UBE2D1: variants seen among roughly 807,000 people sequenced by gnomAD.
The protein encoded by UBE2D1 is ubiquitin-conjugating enzyme E2 D1.
A neutral mutation model predicts 24.6 loss-of-function variants in UBE2D1; 9 were observed. That is an observed-to-expected ratio of 0.37 (90% CI 0.22 to 0.64). UBE2D1 has a LOEUF of 0.64. Among genes scored for constraint, UBE2D1 ranks in the 30% least tolerant of loss-of-function variants. The pLI is 0.64. For missense variants in UBE2D1, 87 were observed against 177.1 expected (o/e 0.49, Z 2.89); for synonymous variants, 57 against 57.6 (o/e 0.99, Z 0.04).
chr10:58,339,200 G>A (rs1839935516), intron 1 of UBE2D1, among the ~76,000 whole-genome samples: 1 of 152,098 alleles, frequency 6.6e-6, no homozygotes, highest in Non-Finnish European at 1.5e-5. Flanking sequence ...CTGCCTCTGA[G>A]GCTCAAGTGA....
intron 1 of UBE2D1, among the ~76,000 whole-genome samples, chr10:58,335,681 G>T (rs1839895603): frequency 6.6e-6 from 1 of 152,246 alleles, no homozygotes; most frequent in Admixed American, 6.5e-5. Context: ...GGGTGGGCCT[G>T]CAGCCTTTCT....
At position 58,335,176 on chromosome 10, in the gene UBE2D1, G is replaced by T. The variant is rs1374527074; in HGVS notation, c.-26G>T. ...GCCCCGCAGCCGACCCCTGCCGGCCGGTGTCCCCACCGCCATCCCTGACCC... is the reference window on the plus strand; with the variant it reads ...GCCCCGCAGCCGACCCCTGCCGGCCTGTGTCCCCACCGCCATCCCTGACCC... On this transcript the variant is annotated 5_prime_UTR_variant, in exon 1 of 7. Transcript: ENST00000373910. The T allele has an allele frequency of 1.3e-6, 2 of 1,544,276 alleles. No individual in the cohort carries two copies. Among genetic ancestry groups the T allele is most frequent in the East Asian group, 2.5e-5 (1 of 40,030 alleles).
At chr10:58,341,643 A>G (rs1839962636) in intron 1 of UBE2D1, among the ~76,000 whole-genome samples, 4 of 152,216 alleles carry the variant, frequency 2.6e-5, no homozygotes, top group Admixed American at 2.6e-4. Context: ...CAAACCTAGC[A>G]GGATGTGGGA....
At chr10:58,348,220 A>G (rs1446148483) in intron 1 of UBE2D1, among the ~76,000 whole-genome samples, 1 of 152,188 alleles carries the variant, frequency 6.6e-6, no homozygotes, top group East Asian at 1.9e-4. Flanking sequence ...TTAAAATGCA[A>G]ATGTACTTTA....
At chr10:58,368,093 G>T (rs566688460) in intron 6 of UBE2D1, 77 bp downstream of exon 6, 10 of 1,022,580 alleles carry the variant, frequency 9.8e-6, no homozygotes, top group African/African-American at 1.6e-5. Flanking sequence ...TTATCAATAT[G>T]TTTTAAGTCA....
In UBE2D1 at chr10:58,340,278, C is replaced by T. The variant is rs942038454; in HGVS notation, c.24+5053C>T. Among the ~76,000 whole-genome samples the T allele has an allele frequency of 4.3e-4, 65 of 152,252 alleles. 1 individual carries two copies. The highest frequency in any genetic ancestry group is 1.4e-3 in the African/African-American group (59 of 41,564). ...TCAGGCTAAGACTCATTTTCTTTCT[C>T]TGTAAAATGAAGGAGTAAACGATAT... On this transcript the variant is annotated intron_variant, in intron 1 of 6. Transcript: ENST00000373910.
intron 5 of UBE2D1, among the ~76,000 whole-genome samples, chr10:58,365,767 A>G (rs1589004589): frequency 1.3e-5 from 2 of 152,176 alleles, no homozygotes; most frequent in South Asian, 4.1e-4. Context: ...GCAACCATCA[A>G]GTTTTCCGTT....
At chr10:58,357,253 A>G (rs1011982000) in intron 1 of UBE2D1, among the ~76,000 whole-genome samples, 2 of 152,192 alleles carry the variant, frequency 1.3e-5, no homozygotes, top group African/African-American at 4.8e-5. Context: ...TTGGAATAAC[A>G]TAAAAATCCT....
At position 58,370,436 on chromosome 10, in the gene UBE2D1, G is replaced by A. The variant is rs1013137023; in HGVS notation, c.*1671G>A. Reference sequence around the variant, plus strand: ...AAAATATGTGTTTTTATAAATGAATGTAAAATAATTAAATGAATTGTGAAA... The same window carrying A: ...AAAATATGTGTTTTTATAAATGAATATAAAATAATTAAATGAATTGTGAAA... On this transcript the variant is annotated 3_prime_UTR_variant, in exon 7 of 7. Transcript: ENST00000373910. The A allele has an allele frequency of 6.6e-6, 1 of 152,370 alleles. No homozygotes were observed. The highest frequency in any genetic ancestry group is 2.4e-5 in the African/African-American group (1 of 41,358). 9.4% of individuals were successfully genotyped at this position (152,370 alleles called of 1,614,324 possible).
chr10:58,367,108 T>TAA (rs1840264174), intron 5 of UBE2D1, among the ~76,000 whole-genome samples: 1 of 152,140 alleles, frequency 6.6e-6, no homozygotes, highest in Non-Finnish European at 1.5e-5. Flanking sequence ...GAGTCAACTC[T>TAA]GCTCTATAAA....
chr10:58,368,224 GTA>G, intron 6 of UBE2D1: 1 of 420,020 alleles, frequency 2.4e-6, no homozygotes, highest in Non-Finnish European at 4.3e-6. Context: ...CTGTTCAATA[GTA>G]TATACTCTGT....
At chr10:58,336,322 C>T (rs1839902873) in intron 1 of UBE2D1, among the ~76,000 whole-genome samples, 1 of 152,142 alleles carries the variant, frequency 6.6e-6, no homozygotes, top group African/African-American at 2.4e-5. Flanking sequence ...GTAGTTGTTT[C>T]AGAAGAAATT....
At chr10:58,352,900 T>A in intron 1 of UBE2D1, among the ~76,000 whole-genome samples, 1 of 152,170 alleles carries the variant, frequency 6.6e-6, no homozygotes, top group East Asian at 1.9e-4. Context: ...TAGGATAAAC[T>A]TTCTTTCCAG....
At position 58,354,190 on chromosome 10, in the gene UBE2D1, C is replaced by T. The variant is rs566773546; in HGVS notation, c.25-7148C>T. Among the ~76,000 whole-genome samples the T allele has an allele frequency of 2.9e-3, 447 of 152,192 alleles. 2 individuals are homozygous for T. The highest frequency in any genetic ancestry group is 5.0e-3 in the Non-Finnish European group (339 of 68,020). On this transcript the variant is annotated intron_variant, in intron 1 of 6. Coordinates refer to ENST00000373910, the MANE Select transcript of UBE2D1 (RefSeq NM_003338.5). ...ACCAGAGATGTCCCCATATTACATA[C>T]GGCACACTTGAGACTCAAAGAGGTT... is the stretch of plus-strand genomic sequence containing the variant.
At chr10:58,338,138 C>T (rs1839923029) in intron 1 of UBE2D1, among the ~76,000 whole-genome samples, 2 of 152,148 alleles carry the variant, frequency 1.3e-5, no homozygotes, top group East Asian at 1.9e-4. Flanking sequence ...TGAGCCACCA[C>T]ACCCGGCCAA....
In UBE2D1 at chr10:58,370,275, G is replaced by T. The variant is rs1431658384; in HGVS notation, c.*1510G>T. The T allele has an allele frequency of 6.6e-6, 1 of 152,128 alleles. No individual in the cohort carries two copies. The highest frequency in any genetic ancestry group is 2.4e-5 in the African/African-American group (1 of 41,416). The allele number at this position is 152,128 out of a possible 1,614,324, so 9.4% of individuals were successfully genotyped here. A position where few individuals can be genotyped will look rare whatever the true frequency, so the allele number is the denominator to read the frequency against. ...AGTGTCATTTTTAAGAACAGTTGTA[G>T]CCCTTCTGATTATTGCAGTAGCTGT... is the stretch of plus-strand genomic sequence containing the variant. On this transcript the variant is annotated 3_prime_UTR_variant, in exon 7 of 7. Transcript: ENST00000373910.
intron 1 of UBE2D1, among the ~76,000 whole-genome samples, chr10:58,352,089 T>A (rs968200745): frequency 5.9e-5 from 9 of 152,186 alleles, no homozygotes; most frequent in African/African-American, 2.2e-4. Flanking sequence ...GTTTTCACTT[T>A]TTAATTTTTG....
At chr10:58,357,784 T>C (rs1257322540) in intron 1 of UBE2D1, among the ~76,000 whole-genome samples, 1 of 152,174 alleles carries the variant, frequency 6.6e-6, no homozygotes, top group African/African-American at 2.4e-5. Flanking sequence ...GTGTAGGTTA[T>C]GTAAGTCTCC....
At chr10:58,344,047 G>T (rs775141938) in intron 1 of UBE2D1, among the ~76,000 whole-genome samples, 2 of 152,056 alleles carry the variant, frequency 1.3e-5, no homozygotes, top group Non-Finnish European at 2.9e-5. Context: ...ATAATTTCCT[G>T]TAAAGTTTTT....
Sources: allele counts gnomAD v4.1 joint callset (sites outside exome capture counted in the v4.1 genomes callset), GRCh38; gene constraint gnomAD v4.1.1; transcripts MANE v1.5; gene names NCBI Gene and HGNC (gene_info 2026-07-23, HGNC 2026-07-21).